PTBP2: variants seen among roughly 807,000 people sequenced by gnomAD.
The protein encoded by PTBP2 is polypyrimidine tract-binding protein 2.
A neutral mutation model predicts 61.4 loss-of-function variants in PTBP2; 13 were observed. The observed-to-expected ratio is 0.21, with a 90% CI of 0.14 to 0.34. The LOEUF (loss-of-function observed/expected upper bound fraction) is 0.34. Among genes scored for constraint, PTBP2 ranks in the 10% least tolerant of loss-of-function variants. The probability of loss-of-function intolerance (pLI) is 1.00; values close to 1 mark genes in which losing one functional copy is unlikely to be tolerated. For synonymous variants in PTBP2, 215 were observed against 218.5 expected (o/e 0.98, Z 0.14); for missense variants, 405 against 642.6 (o/e 0.63, Z 4.00).
At chr1:96,782,380 A>G (rs1198413960) in intron 7 of PTBP2, among the ~76,000 whole-genome samples, 2 of 152,042 alleles carry the variant, frequency 1.3e-5, no homozygotes, top group African/African-American at 4.8e-5. Flanking sequence ...CTCACAGAGT[A>G]CACATTGCTT....
intron 2 of PTBP2, among the ~76,000 whole-genome samples, chr1:96,744,830 A>G (rs1207338538): frequency 6.6e-6 from 1 of 152,198 alleles, no homozygotes; most frequent in Non-Finnish European, 1.5e-5. Flanking sequence ...TACTTACTAA[A>G]TTATGATAAA....
intron 3 of PTBP2, among the ~76,000 whole-genome samples, chr1:96,768,289 C>G (rs186551647): frequency 6.6e-6 from 1 of 152,058 alleles, no homozygotes; most frequent in African/African-American, 2.4e-5. Context: ...TAGACACATC[C>G]CTGAATACCC....
At chr1:96,809,598 G>A (rs1044079234) in intron 11 of PTBP2, among the ~76,000 whole-genome samples, 7 of 151,882 alleles carry the variant, frequency 4.6e-5, no homozygotes, top group African/African-American at 1.5e-4. Flanking sequence ...CTGCAGCCTC[G>A]ACCTCCCAGG....
intron 2 of PTBP2, among the ~76,000 whole-genome samples, chr1:96,747,564 A>G (rs894310973): frequency 7.9e-5 from 12 of 152,298 alleles, no homozygotes; most frequent in African/African-American, 2.9e-4. Context: ...TTAAATTGAA[A>G]TCTCTGTAAT....
At chr1:96,728,006 T>C (rs1650828953) in intron 2 of PTBP2, among the ~76,000 whole-genome samples, 1 of 152,146 alleles carries the variant, frequency 6.6e-6, no homozygotes, top group Admixed American at 6.5e-5. Context: ...AATTTTTTTT[T>C]AGAGACAGGA....
At chr1:96,790,601 T>TTGGTTAAA (rs1169079250) in intron 8 of PTBP2, among the ~76,000 whole-genome samples, 9 of 152,220 alleles carry the variant, frequency 5.9e-5, no homozygotes, top group African/African-American at 2.2e-4. Context: ...TGTAATTCAA[T>TTGGTTAAA]TTGTGCAGGA....
chr1:96,768,388 A>G (rs1463835326), intron 3 of PTBP2, among the ~76,000 whole-genome samples: 1 of 152,104 alleles, frequency 6.6e-6, no homozygotes, highest in Non-Finnish European at 1.5e-5. Flanking sequence ...ATGTTGTTGA[A>G]CATACACAAA....
Position 96,740,940 on chromosome 1 carries a change from A to C in PTBP2, c.40-10485A>C, listed in dbSNP as rs188452213. ...TGTAAGCATTAATATGCATATTCTA[A>C]CGTGTTAATATTAGAGTTTCTCATA... On this transcript the variant is annotated intron_variant, in intron 2 of 13. Transcript: ENST00000674951. Among the ~76,000 whole-genome samples the C allele has an allele frequency of 2.9e-3, 441 of 152,032 alleles. 2 individuals are homozygous for C. Among genetic ancestry groups the C allele is most frequent in the African/African-American group, 0.01 (431 of 41,534 alleles).
chr1:96,793,948 A>T lies in PTBP2; in HGVS notation c.904+8694A>T, dbSNP rs114800513. Among the ~76,000 whole-genome samples, 1,323 of 152,292 alleles carry T rather than the reference A, an allele frequency of 8.7e-3. 10 individuals carry two copies. The highest frequency in any genetic ancestry group is 0.015 in the Admixed American group (231 of 15,298). ...ACTGACCAGCATTTTCAATGAAATAAGCTTATTACTATAGGACTATAAAAT... is the reference window on the plus strand; with the variant it reads ...ACTGACCAGCATTTTCAATGAAATATGCTTATTACTATAGGACTATAAAAT... On this transcript the variant is annotated intron_variant, in intron 8 of 13. Coordinates refer to ENST00000674951, the MANE Select transcript of PTBP2 (RefSeq NM_021190.4).
intron 3 of PTBP2, among the ~76,000 whole-genome samples, chr1:96,762,224 C>T (rs867886345): frequency 1.3e-3 from 202 of 150,872 alleles, no homozygotes; most frequent in African/African-American, 4.7e-3. Flanking sequence ...CATCATGGCC[C>T]GTTCTCAATG....
chr1:96,803,986 G>A (rs1480501111), intron 8 of PTBP2, among the ~76,000 whole-genome samples: 1 of 152,034 alleles, frequency 6.6e-6, no homozygotes. Flanking sequence ...GTAGATGAAC[G>A]GTGCTAACAC....
intron 8 of PTBP2, among the ~76,000 whole-genome samples, chr1:96,800,789 T>C (rs1660906314): frequency 6.6e-6 from 1 of 152,140 alleles, no homozygotes; most frequent in Non-Finnish European, 1.5e-5. Context: ...ATTACCATTA[T>C]AAATTTATTT....
chr1:96,749,680 TA>T (rs779182785), intron 2 of PTBP2: 22 of 455,746 alleles, frequency 4.8e-5, no homozygotes, highest in South Asian at 1.7e-4. Context: ...ATGTAACAGT[TA>T]ATAACGTAAT....
Position 96,737,786 on chromosome 1 carries a change from T to C in PTBP2, c.40-13639T>C, listed in dbSNP as rs79228268. ...GATTTGCAGTGAGGACCTTTGAAAA[T>C]TGAACCTGCTTTCTCCTATCAGTAT... On this transcript the variant is annotated intron_variant, in intron 2 of 13. Transcript: ENST00000674951. Among the ~76,000 whole-genome samples the C allele has an allele frequency of 5.6e-4, 86 of 152,308 alleles. 3 individuals carry two copies. In the East Asian group the frequency reaches 0.016, roughly 28 times the overall value.
At chr1:96,771,430 TG>T (rs1657368057) in intron 5 of PTBP2, 1 of 151,634 alleles carries the variant, frequency 6.6e-6, no homozygotes, top group Non-Finnish European at 1.5e-5. Context: ...TTAAAACTAA[TG>T]ATATCTTTCT....
intron 3 of PTBP2, among the ~76,000 whole-genome samples, chr1:96,766,547 C>G (rs1656738026): frequency 6.6e-6 from 1 of 152,104 alleles, no homozygotes; most frequent in South Asian, 2.1e-4. Context: ...CTAATGTTTC[C>G]ATTTTTGGAC....
intron 2 of PTBP2, among the ~76,000 whole-genome samples, chr1:96,748,420 G>A (rs920308271): frequency 6.7e-6 from 1 of 148,868 alleles, no homozygotes; most frequent in Non-Finnish European, 1.5e-5. Flanking sequence ...CCTTTAATCT[G>A]TACTTGCTTT....
chr1:96,803,497 GA>G (rs1661224228), intron 8 of PTBP2, among the ~76,000 whole-genome samples: 1 of 151,990 alleles, frequency 6.6e-6, no homozygotes, highest in African/African-American at 2.4e-5. Context: ...TATTAAATGA[GA>G]AACATATGCC....
intron 7 of PTBP2, among the ~76,000 whole-genome samples, chr1:96,783,927 A>T (rs1314067315): frequency 3.9e-5 from 6 of 152,122 alleles, no homozygotes; most frequent in Non-Finnish European, 8.8e-5. Flanking sequence ...GCTGTATTGA[A>T]GTGGATGAAT....
Sources: gnomAD v4.1 joint callset for allele counts (sites outside exome capture counted in the v4.1 genomes callset) on GRCh38, gnomAD v4.1.1 for gene constraint, MANE v1.5 for transcripts, NCBI Gene and HGNC (gene_info 2026-07-23, HGNC 2026-07-21) for gene names.